The following ROBO2 variants were observed in gnomAD, a reference collection of about 807,000 sequenced individuals.
The protein encoded by ROBO2 is roundabout guidance receptor 2, also known as roundabout homolog 2.
ROBO2 carries 53 observed loss-of-function variants against 160.8 expected under a neutral mutation model. The ratio of observed to expected loss-of-function variants is 0.33; its 90% confidence interval spans 0.26 to 0.41. The LOEUF (loss-of-function observed/expected upper bound fraction) is 0.41. Ranked by LOEUF, ROBO2 falls within the 10% of genes least tolerant of loss-of-function variation. The probability of loss-of-function intolerance (pLI) is 1.00; values close to 1 mark genes in which losing one functional copy is unlikely to be tolerated. For synonymous variants in ROBO2, 664 were observed against 611.7 expected (o/e 1.09, Z -1.26); for missense variants, 1,577 against 1,722.4 (o/e 0.92, Z 1.49).
chr3:77,506,353 G>C (rs1031790619), intron 5 of ROBO2, among the ~76,000 whole-genome samples: 5 of 152,162 alleles, frequency 3.3e-5, no homozygotes, highest in Admixed American at 1.3e-4. Context: ...CTAAGAGAAA[G>C]TAGTGCTCAG....
At chr3:77,440,450 A>C (rs2079794335) in intron 2 of ROBO2, among the ~76,000 whole-genome samples, 1 of 152,170 alleles carries the variant, frequency 6.6e-6, no homozygotes, top group Non-Finnish European at 1.5e-5. Flanking sequence ...CATTTATGGT[A>C]GTTAAAAAGT....
intron 2 of ROBO2, among the ~76,000 whole-genome samples, chr3:75,959,155 T>C (rs903971267): frequency 4.6e-5 from 7 of 151,790 alleles, no homozygotes; most frequent in African/African-American, 1.7e-4. Context: ...CTTTTATTTC[T>C]TTTTGAAACC....
chr3:75,955,454 C>T (rs1010331517), intron 2 of ROBO2, among the ~76,000 whole-genome samples: 2 of 151,144 alleles, frequency 1.3e-5, no homozygotes, highest in Middle Eastern at 3.2e-3. Flanking sequence ...GGAATAATCT[C>T]GTGACGTGAT....
At chr3:76,746,168 C>G (rs1249615253) in intron 2 of ROBO2, among the ~76,000 whole-genome samples, 1 of 151,868 alleles carries the variant, frequency 6.6e-6, no homozygotes, top group African/African-American at 2.4e-5. Flanking sequence ...TGAACTCATC[C>G]TTTTTTATGG....
At chr3:76,237,824 C>T (rs1705038122) in intron 2 of ROBO2, among the ~76,000 whole-genome samples, 1 of 152,078 alleles carries the variant, frequency 6.6e-6, no homozygotes, top group South Asian at 2.1e-4. Context: ...GTAAGCAGGA[C>T]CAAGACTCAG....
chr3:76,403,565 T>G (rs1052170724), intron 2 of ROBO2, among the ~76,000 whole-genome samples: 1 of 151,442 alleles, frequency 6.6e-6, no homozygotes, highest in African/African-American at 2.4e-5. Flanking sequence ...GGTTCTGCAT[T>G]CTTCTTAACC....
At chr3:77,594,631 A>G (rs1206834916) in intron 17 of ROBO2, among the ~76,000 whole-genome samples, 1 of 152,180 alleles carries the variant, frequency 6.6e-6, no homozygotes, top group Non-Finnish European at 1.5e-5. Flanking sequence ...ACTGTTTATG[A>G]GGGTCATAAA....
In ROBO2 at chr3:76,127,543, TATTA is replaced by T. The variant is rs1241817011; in HGVS notation, c.109+189946_109+189949del. On this transcript the variant is annotated intron_variant, in intron 2 of 26. Transcript: ENST00000487694. Reference sequence around the variant, plus strand: ...CACGTTTATATAGAAAACAAATGAATATTAATTATCTTACAACCAAATAGCTGTG... The same window carrying T: ...CACGTTTATATAGAAAACAAATGAATATTATCTTACAACCAAATAGCTGTG... Among the ~76,000 whole-genome samples, 7 of 152,012 alleles carry T rather than the reference TATTA, an allele frequency of 4.6e-5. No individual in the cohort carries two copies. In the South Asian group the frequency reaches 1.2e-3, roughly 27 times the overall value.
chr3:76,906,992 T>G (rs1417462695), intron 2 of ROBO2, among the ~76,000 whole-genome samples: 1 of 152,178 alleles, frequency 6.6e-6, no homozygotes. Flanking sequence ...GTTTTCTTCC[T>G]CCTGCTAGAA....
chr3:76,029,515 C>T lies in ROBO2; in HGVS notation c.109+91913C>T, dbSNP rs578178336. On this transcript the variant is annotated intron_variant, in intron 2 of 26. Coordinates refer to the ROBO2 transcript ENST00000487694. ...TTTCTCCTAAAGCTATCCCTCCCCCCATTCCCCAACCCCATGACAGGCTCT... is the reference window on the plus strand; with the variant it reads ...TTTCTCCTAAAGCTATCCCTCCCCCTATTCCCCAACCCCATGACAGGCTCT... Among the ~76,000 whole-genome samples, 4 of 152,172 alleles carry T rather than the reference C, an allele frequency of 2.6e-5. No individual in the cohort carries two copies. In the East Asian group the frequency reaches 7.7e-4, roughly 29 times the overall value.
At chr3:76,729,000 T>C (rs543884302) in intron 2 of ROBO2, among the ~76,000 whole-genome samples, 2 of 152,288 alleles carry the variant, frequency 1.3e-5, no homozygotes, top group East Asian at 1.9e-4. Context: ...ATTTTTGTCC[T>C]TTTTTGGTAC....
chr3:77,132,684 C>G (rs2075958034), intron 2 of ROBO2, among the ~76,000 whole-genome samples: 1 of 150,250 alleles, frequency 6.7e-6, no homozygotes, highest in African/African-American at 2.4e-5. Context: ...CACTACATCT[C>G]TTTTGGCCAC....
intron 2 of ROBO2, among the ~76,000 whole-genome samples, chr3:77,436,725 G>T (rs923207948): frequency 8.6e-5 from 13 of 151,800 alleles, no homozygotes; most frequent in Non-Finnish European, 1.9e-4. Context: ...ATATTAGAAA[G>T]TCAGAACTAG....
chr3:77,020,912 A>G (rs1346420030), intron 2 of ROBO2, among the ~76,000 whole-genome samples: 2 of 152,174 alleles, frequency 1.3e-5, no homozygotes, highest in Non-Finnish European at 2.9e-5. Context: ...AGCTCAGAAA[A>G]CCACACTCTT....
At chr3:77,259,565 G>T (rs1052909510) in intron 2 of ROBO2, among the ~76,000 whole-genome samples, 2 of 152,110 alleles carry the variant, frequency 1.3e-5, no homozygotes, top group Non-Finnish European at 2.9e-5. Context: ...AGAGTAAATA[G>T]AACTTAGTAT....
chr3:76,257,043 G>A (rs576594963), intron 2 of ROBO2, among the ~76,000 whole-genome samples: 2 of 151,734 alleles, frequency 1.3e-5, no homozygotes, highest in East Asian at 3.9e-4. Context: ...CAAGCCCCTC[G>A]GCCCAGCCCC....
chr3:76,291,185 G>C (rs1708785343), intron 2 of ROBO2, among the ~76,000 whole-genome samples: 1 of 152,028 alleles, frequency 6.6e-6, no homozygotes, highest in African/African-American at 2.4e-5. Flanking sequence ...GCTTTTTCTG[G>C]TTTGTAGGCT....
intron 2 of ROBO2, among the ~76,000 whole-genome samples, chr3:77,343,394 T>C (rs1288689360): frequency 6.6e-6 from 1 of 152,158 alleles, no homozygotes; most frequent in Admixed American, 6.6e-5. Context: ...AAAAATGCGT[T>C]TCAAATATTA....
chr3:76,186,099 A>T (rs1488249625), intron 2 of ROBO2, among the ~76,000 whole-genome samples: 1 of 151,542 alleles, frequency 6.6e-6, no homozygotes, highest in East Asian at 2.0e-4. Flanking sequence ...CACCTGACTA[A>T]TTTTTGTATT....
Sources: allele counts gnomAD v4.1 joint callset (sites outside exome capture counted in the v4.1 genomes callset), GRCh38; gene constraint gnomAD v4.1.1; transcripts MANE v1.5; gene names NCBI Gene and HGNC (gene_info 2026-07-23, HGNC 2026-07-21).